Variants in PRKAR1A observed in about 807,000 individuals in gnomAD.
The protein encoded by PRKAR1A is cAMP-dependent protein kinase type I-alpha regulatory subunit.
PRKAR1A carries 3 observed loss-of-function variants against 52.0 expected under a neutral mutation model. That is an observed-to-expected ratio of 0.06 (90% CI 0.03 to 0.15). The LOEUF is 0.15. Ranked by LOEUF, PRKAR1A falls within the 10% of genes least tolerant of loss-of-function variation. PRKAR1A has a pLI of 1.00. For synonymous variants in PRKAR1A, 188 were observed against 168.4 expected (o/e 1.12, Z -0.90); for missense variants, 240 against 477.4 (o/e 0.50, Z 4.63).
At chr17:68,433,553 C>G in the PRKAR1A span, 1 of 1,613,714 alleles carries the variant, frequency 6.2e-7, no homozygotes, top group Non-Finnish European at 8.5e-7. Context: ...ATACTGAACA[C>G]TAGAGAGCTG....
chr17:68,426,251 G>GGGGGGGGGGC, the PRKAR1A span: 1 of 825,460 alleles, frequency 1.2e-6, no homozygotes. Context: ...GTGGGGAGCG[G>GGGGGGGGGGC]GGGCTCAAAT....
At chr17:68,486,506 C>CTTCTTTCTTTCT in the PRKAR1A span, among the ~76,000 whole-genome samples, 38 of 48,248 alleles carry the variant, frequency 7.9e-4, no homozygotes, top group Non-Finnish European at 1.1e-3. Context: ...TCCTTCCTTC[C>CTTCTTTCTTTCT]TTCTTTCTTT....
chr17:68,545,032 T>C (rs930150268), intron 11 of PRKAR1A, among the ~76,000 whole-genome samples: 3 of 152,256 alleles, frequency 2.0e-5, no homozygotes, highest in African/African-American at 4.8e-5. Flanking sequence ...ATGTTCCTAA[T>C]GTATATTTTC....
intron 8 of PRKAR1A, 150 bp downstream of exon 8, chr17:68,528,050 T>C (rs926203792): frequency 4.3e-6 from 3 of 698,774 alleles, no homozygotes. Flanking sequence ...ACTGTGGACA[T>C]TCACAGTTAT....
At chr17:68,446,986 T>A in the PRKAR1A span, among the ~76,000 whole-genome samples, 1 of 152,244 alleles carries the variant, frequency 6.6e-6, no homozygotes, top group African/African-American at 2.4e-5. Flanking sequence ...GTGGGCACGA[T>A]GCTGCTGATT....
rs35112614 is a variant in PRKAR1A, at chr17:68,546,829, C to CAA, written c.974-4236_974-4235dup. Among the ~76,000 whole-genome samples, 97 of 83,918 alleles carry CAA rather than the reference C, an allele frequency of 1.2e-3. 2 individuals carry two copies. The highest frequency in any genetic ancestry group is 2.1e-3 in the African/African-American group (41 of 19,536). The allele number at this position is 83,918 out of a possible 152,430, so 55.1% of individuals were successfully genotyped here. ...TGGGCGAGAGTGCGAGACTACGGCTCAAAAAAAAAAAAAAAAAAAAGGTAA... is the reference window on the plus strand; with the variant it reads ...TGGGCGAGAGTGCGAGACTACGGCTCAAAAAAAAAAAAAAAAAAAAAAGGTAA... On this transcript the variant is annotated intron_variant, in intron 11 of 11. Transcript: ENST00000585981.
At chr17:68,446,175 C>T in the PRKAR1A span, among the ~76,000 whole-genome samples, 2 of 152,044 alleles carry the variant, frequency 1.3e-5, no homozygotes, top group African/African-American at 4.8e-5. Context: ...AAAATTTAAA[C>T]ACATTTCTCA....
At chr17:68,450,634 T>C in the PRKAR1A span, 10 of 1,463,442 alleles carry the variant, frequency 6.8e-6, no homozygotes, top group South Asian at 1.4e-4. Context: ...AATTGGAAGC[T>C]TGTTTTACAG....
intron 1 of PRKAR1A, chr17:68,513,298 G>A (rs964204491): frequency 3.9e-5 from 6 of 152,224 alleles, no homozygotes; most frequent in Non-Finnish European, 8.8e-5. Flanking sequence ...TCAGCTCAGA[G>A]CCTGTGGTGA....
chr17:68,483,927 ACT>A, the PRKAR1A span, among the ~76,000 whole-genome samples: 3 of 151,924 alleles, frequency 2.0e-5, no homozygotes, highest in Non-Finnish European at 2.9e-5. Flanking sequence ...TTGTTTCTAG[ACT>A]CTGTTCAGTT....
chr17:68,437,101 T>A, the PRKAR1A span, among the ~76,000 whole-genome samples: 47 of 152,028 alleles, frequency 3.1e-4, no homozygotes, highest in Non-Finnish European at 4.4e-4. Context: ...TTCTTCCAAT[T>A]CCATTATCCT....
At chr17:68,420,208 TG>T in the PRKAR1A span, 91 of 1,613,982 alleles carry the variant, frequency 5.6e-5, 1 homozygote, top group Non-Finnish European at 6.5e-5. Flanking sequence ...GGGCGTGTGA[TG>T]GGAGCACGGG....
intron 2 of PRKAR1A, among the ~76,000 whole-genome samples, chr17:68,520,664 T>C (rs1023252423): frequency 2.0e-5 from 3 of 152,176 alleles, no homozygotes; most frequent in Non-Finnish European, 4.4e-5. Flanking sequence ...ACTAGAAAAC[T>C]CATGATCTGA....
chr17:68,475,752 G>A, the PRKAR1A span, among the ~76,000 whole-genome samples: 7 of 152,068 alleles, frequency 4.6e-5, no homozygotes, highest in Admixed American at 6.6e-5. Context: ...GAGCCACCGC[G>A]CCCAGCCCAT....
At chr17:68,419,648 G>A in the PRKAR1A span, among the ~76,000 whole-genome samples, 1,296 of 152,264 alleles carry the variant, frequency 8.5e-3, 13 homozygotes, top group African/African-American at 0.029. Flanking sequence ...CCCTGAAGGC[G>A]AGTTCAAGGA....
chr17:68,468,783 A>G, the PRKAR1A span, among the ~76,000 whole-genome samples: 433 of 152,270 alleles, frequency 2.8e-3, 2 homozygotes, highest in African/African-American at 9.8e-3. Context: ...GTGGGTTTCT[A>G]ATTTTTCATG....
intron 2 of PRKAR1A, among the ~76,000 whole-genome samples, chr17:68,519,058 C>T (rs993000894): frequency 1.3e-5 from 2 of 152,110 alleles, no homozygotes; most frequent in African/African-American, 2.4e-5. Flanking sequence ...TGGTCAAAGC[C>T]GTACAAGAAA....
the PRKAR1A span, among the ~76,000 whole-genome samples, chr17:68,470,084 ATT>A: frequency 7.1e-5 from 10 of 141,076 alleles, no homozygotes; most frequent in Non-Finnish European, 7.8e-5. Context: ...AACATCTTAG[ATT>A]TTTTTTTTTT....
At chr17:68,443,896 T>A in the PRKAR1A span, among the ~76,000 whole-genome samples, 1 of 152,338 alleles carries the variant, frequency 6.6e-6, no homozygotes, top group South Asian at 2.1e-4. Flanking sequence ...CTTGATGAAT[T>A]CATATAATGT....
Sources: gnomAD v4.1 joint callset for allele counts (sites outside exome capture counted in the v4.1 genomes callset) on GRCh38, gnomAD v4.1.1 for gene constraint, MANE v1.5 for transcripts, NCBI Gene and HGNC (gene_info 2026-07-23, HGNC 2026-07-21) for gene names.